PPP2R5E: variants seen among roughly 807,000 people sequenced by gnomAD.
PPP2R5E encodes the protein serine/threonine-protein phosphatase 2A 56 kDa regulatory subunit epsilon isoform.
In PPP2R5E, 4 loss-of-function variants were observed where a neutral mutation model predicts 65.3. The observed-to-expected ratio is 0.06, with a 90% CI of 0.03 to 0.14. The LOEUF (loss-of-function observed/expected upper bound fraction) is 0.14. PPP2R5E is among the 10% of genes least tolerant of loss of function. PPP2R5E has a pLI of 1.00. For synonymous variants in PPP2R5E, 183 were observed against 187.4 expected (o/e 0.98, Z 0.19); for missense variants, 274 against 556.1 (o/e 0.49, Z 5.10).
intron 2 of PPP2R5E, among the ~76,000 whole-genome samples, chr14:63,522,398 G>A (rs1490918202): frequency 1.3e-5 from 2 of 151,340 alleles, no homozygotes; most frequent in African/African-American, 4.9e-5. Context: ...TCTCTGCCTG[G>A]CCGCCCATCA....
chr14:63,418,762 T>C (rs917765892), intron 4 of PPP2R5E, among the ~76,000 whole-genome samples: 10 of 152,124 alleles, frequency 6.6e-5, no homozygotes, highest in South Asian at 2.1e-4. Context: ...TTTGACATAT[T>C]TGAACTAAAA....
intron 3 of PPP2R5E, among the ~76,000 whole-genome samples, chr14:63,431,410 C>T (rs1887664878): frequency 6.6e-6 from 1 of 152,130 alleles, no homozygotes; most frequent in Non-Finnish European, 1.5e-5. Context: ...ACTGTATTTG[C>T]TATGTAATGT....
chr14:63,454,948 C>A (rs1889038862), intron 2 of PPP2R5E, among the ~76,000 whole-genome samples: 1 of 152,186 alleles, frequency 6.6e-6, no homozygotes, highest in African/African-American at 2.4e-5. Flanking sequence ...CATTGAGGTC[C>A]CACAGGGAAT....
chr14:63,458,247 C>T (rs1371000273), intron 2 of PPP2R5E, among the ~76,000 whole-genome samples: 1 of 152,176 alleles, frequency 6.6e-6, no homozygotes, highest in Non-Finnish European at 1.5e-5. Flanking sequence ...CTCCCCTCAC[C>T]CTAATCATGA....
chr14:63,430,442 T>C (rs1297425512), intron 3 of PPP2R5E, among the ~76,000 whole-genome samples: 2 of 142,016 alleles, frequency 1.4e-5, no homozygotes, highest in Non-Finnish European at 3.0e-5. Context: ...TATTCAACTG[T>C]AAGAATAAGA....
In PPP2R5E at chr14:63,375,797, T is replaced by C; in HGVS notation, c.*212A>G. ...AGAACAATGATTATGTTTGCAAAGTTCTGAGAAGTCCATCTACTGTCCAAA... is the reference window on the plus strand; with the variant it reads ...AGAACAATGATTATGTTTGCAAAGTCCTGAGAAGTCCATCTACTGTCCAAA... On this transcript the variant is annotated 3_prime_UTR_variant, in exon 14 of 14. Transcript: ENST00000337537. 2.7e-6 allele frequency: 1 copy of C among 370,010 alleles called. No homozygotes were observed. Among genetic ancestry groups the C allele is most frequent in the Non-Finnish European group, 4.8e-6 (1 of 206,974 alleles). The allele number at this position is 370,010 out of a possible 1,614,324, so 22.9% of individuals were successfully genotyped here. A position where few individuals can be genotyped will look rare whatever the true frequency, so the allele number is the denominator to read the frequency against.
chr14:63,401,230 G>C (rs776488351), intron 5 of PPP2R5E, among the ~76,000 whole-genome samples: 5 of 152,028 alleles, frequency 3.3e-5, no homozygotes, highest in African/African-American at 9.7e-5. Flanking sequence ...CAAAACAAGG[G>C]GGGGTAGGAT....
chr14:63,382,034 C>T, intron 13 of PPP2R5E, 22 bp downstream of exon 13: 1 of 1,586,126 alleles, frequency 6.3e-7, no homozygotes, highest in African/African-American at 1.3e-5. Flanking sequence ...GCACAGCTGA[C>T]AAAAAAGCTT....
chr14:63,534,281 A>G (rs1462575630), intron 2 of PPP2R5E, among the ~76,000 whole-genome samples: 1 of 151,528 alleles, frequency 6.6e-6, no homozygotes, highest in Non-Finnish European at 1.5e-5. Context: ...GAAAGTATCC[A>G]AGTCTTGACT....
chr14:63,379,826 CTTTT>C (rs558475440), intron 13 of PPP2R5E, among the ~76,000 whole-genome samples: 25 of 100,268 alleles, frequency 2.5e-4, no homozygotes, highest in African/African-American at 8.9e-4. Context: ...TATTCTCTCT[CTTTT>C]TTTTTTTTTT....
At chr14:63,385,244 T>C (rs1425962039) in intron 11 of PPP2R5E, among the ~76,000 whole-genome samples, 1 of 151,996 alleles carries the variant, frequency 6.6e-6, no homozygotes, top group Non-Finnish European at 1.5e-5. Context: ...GAGGACTGCT[T>C]GAGCCTGGGA....
intron 3 of PPP2R5E, among the ~76,000 whole-genome samples, chr14:63,426,757 C>T (rs1282967028): frequency 6.8e-6 from 1 of 148,112 alleles, no homozygotes; most frequent in Non-Finnish European, 1.5e-5. Flanking sequence ...GAGCTTGGCT[C>T]ATGAATGAAT....
At chr14:63,444,350 C>T (rs912626172) in intron 3 of PPP2R5E, among the ~76,000 whole-genome samples, 6 of 152,194 alleles carry the variant, frequency 3.9e-5, no homozygotes, top group African/African-American at 1.4e-4. Flanking sequence ...TCTACCTTCA[C>T]GTCCCTTTAC....
chr14:63,377,541 T>C (rs78458408), intron 13 of PPP2R5E, among the ~76,000 whole-genome samples: 1,949 of 152,316 alleles, frequency 0.013, 60 homozygotes, highest in East Asian at 0.12. Flanking sequence ...AATGCCATAA[T>C]AGTCTGGTAT....
At chr14:63,393,705 C>A in intron 8 of PPP2R5E, 115 bp downstream of exon 8, 1 of 669,780 alleles carries the variant, frequency 1.5e-6, no homozygotes, top group Non-Finnish European at 2.5e-6. Flanking sequence ...GAGCAAGACT[C>A]CGTCTCAAAA....
At chr14:63,503,362 C>A (rs2139674876) in intron 2 of PPP2R5E, among the ~76,000 whole-genome samples, 1 of 152,214 alleles carries the variant, frequency 6.6e-6, no homozygotes, top group East Asian at 1.9e-4. Context: ...CAGGAACAGG[C>A]CTCTATGTAG....
At chr14:63,376,230 TA>T (rs1384450653) in intron 13 of PPP2R5E, 122 bp from the exon 14 acceptor site, 1 of 639,114 alleles carries the variant, frequency 1.6e-6, no homozygotes, top group East Asian at 3.0e-5. Flanking sequence ...AAATTAACTT[TA>T]AAATTACTAA....
chr14:63,422,223 A>T (rs1328476199), intron 3 of PPP2R5E, 129 bp from the exon 4 acceptor site: 2 of 716,970 alleles, frequency 2.8e-6, no homozygotes, highest in Non-Finnish European at 4.7e-6. Context: ...TAGAATAAGG[A>T]CCTCTTTCTA....
At chr14:63,464,175 G>A (rs1198636788) in intron 2 of PPP2R5E, among the ~76,000 whole-genome samples, 5 of 152,138 alleles carry the variant, frequency 3.3e-5, no homozygotes, top group Non-Finnish European at 7.3e-5. Flanking sequence ...AGGGACTACT[G>A]TGATAACATA....
Sources: gnomAD v4.1 joint callset for allele counts (sites outside exome capture counted in the v4.1 genomes callset) on GRCh38, gnomAD v4.1.1 for gene constraint, MANE v1.5 for transcripts, NCBI Gene and HGNC (gene_info 2026-07-23, HGNC 2026-07-21) for gene names.